Variants in MACROD2 observed in about 807,000 individuals in gnomAD.
The protein encoded by MACROD2 is ADP-ribose glycohydrolase MACROD2.
Under a neutral mutation model 70.4 loss-of-function variants are expected in MACROD2, and 36 were observed. The ratio of observed to expected loss-of-function variants is 0.51; its 90% CI spans 0.39 to 0.68. The LOEUF (loss-of-function observed/expected upper bound fraction) is 0.68. Among genes scored for constraint, MACROD2 ranks in the 30% least tolerant of loss-of-function variants. The pLI is 0.00. For missense variants in MACROD2, 496 were observed against 538.4 expected (o/e 0.92, Z 0.78); for synonymous variants, 172 against 178.8 (o/e 0.96, Z 0.30).
chr20:14,908,364 T>C (rs2073985415), intron 5 of MACROD2, among the ~76,000 whole-genome samples: 1 of 150,168 alleles, frequency 6.7e-6, no homozygotes, highest in South Asian at 2.1e-4. Flanking sequence ...AAATAAAAAG[T>C]GTATTGTCGG....
intron 7 of MACROD2, among the ~76,000 whole-genome samples, chr20:15,479,265 CTTTTTTTTT>C (rs767435610): frequency 5.7e-5 from 5 of 87,768 alleles, no homozygotes; most frequent in African/African-American, 1.6e-4. Flanking sequence ...TTCTCGCTCT[CTTTTTTTTT>C]TTTTTTTTTT....
chr20:14,293,903 T>C (rs1445807375), intron 3 of MACROD2, among the ~76,000 whole-genome samples: 1 of 151,880 alleles, frequency 6.6e-6, no homozygotes, highest in East Asian at 1.9e-4. Context: ...TAGACATAAA[T>C]TTAACATTAC....
intron 8 of MACROD2, among the ~76,000 whole-genome samples, chr20:15,652,185 G>A (rs1248349085): frequency 1.3e-5 from 2 of 152,100 alleles, no homozygotes; most frequent in South Asian, 2.1e-4. Context: ...ATCAAAAAAG[G>A]CCTTTTCTTT....
intron 7 of MACROD2, among the ~76,000 whole-genome samples, chr20:15,445,146 T>C (rs2046545723): frequency 6.6e-6 from 1 of 152,194 alleles, no homozygotes; most frequent in African/African-American, 2.4e-5. Context: ...TTCTGGATGA[T>C]ACCAGTCAGT....
rs2081456431 is a variant in MACROD2 at position 14,198,959 on chromosome 20, C to T, written c.271+113231C>T. Among the ~76,000 whole-genome samples, 6 of 151,966 alleles carry T rather than the reference C, an allele frequency of 3.9e-5. 1 individual carries two copies. The South Asian group carries it at 1.2e-3, about 32-fold the overall frequency. ...TAATGCAATTTAAATTTCTCTCTTA[C>T]CTTCTCGCCTTTTCTCTTTTTTCTA... is the stretch of plus-strand genomic sequence containing the variant. On this transcript the variant is annotated intron_variant, in intron 3 of 17. Transcript: ENST00000684519.
chr20:15,915,877 G>A (rs910430618), intron 10 of MACROD2, among the ~76,000 whole-genome samples: 2 of 152,124 alleles, frequency 1.3e-5, no homozygotes, highest in African/African-American at 4.8e-5. Flanking sequence ...CTAATTCTTT[G>A]TAGGCAATAT....
intron 6 of MACROD2, among the ~76,000 whole-genome samples, chr20:15,405,192 A>G (rs2045982890): frequency 6.6e-6 from 1 of 150,392 alleles, no homozygotes; most frequent in Non-Finnish European, 1.5e-5. Flanking sequence ...CAAAAGTGTT[A>G]TGGAATTAGG....
intron 15 of MACROD2, among the ~76,000 whole-genome samples, chr20:16,023,473 C>A (rs1440601727): frequency 6.2e-3 from 443 of 71,214 alleles, no homozygotes; most frequent in Middle Eastern, 0.018. Context: ...GACTCCATCT[C>A]AAAAAAAAAA....
intron 4 of MACROD2, among the ~76,000 whole-genome samples, chr20:14,565,258 G>A (rs1979712075): frequency 6.6e-6 from 1 of 151,630 alleles, no homozygotes; most frequent in Non-Finnish European, 1.5e-5. Context: ...CACTATTTGG[G>A]TGATAGGTAC....
chr20:15,507,978 G>C (rs1215949773), intron 8 of MACROD2, among the ~76,000 whole-genome samples: 1 of 152,128 alleles, frequency 6.6e-6, no homozygotes, highest in Admixed American at 6.5e-5. Context: ...TAGGCGTTGA[G>C]CTGAGCTTGC....
At chr20:15,850,004 C>T (rs1467222985) in intron 8 of MACROD2, among the ~76,000 whole-genome samples, 1 of 152,162 alleles carries the variant, frequency 6.6e-6, no homozygotes, top group Admixed American at 6.5e-5. Context: ...CAGCCCGTAC[C>T]TTATCGGAGT....
intron 3 of MACROD2, among the ~76,000 whole-genome samples, chr20:14,485,948 A>G (rs543417345): frequency 3.9e-5 from 6 of 152,282 alleles, no homozygotes; most frequent in African/African-American, 1.2e-4. Flanking sequence ...CATCCTTATG[A>G]CCATCTGCAC....
chr20:14,084,086 A>AAAAAAAC (rs1569151565), intron 2 of MACROD2, among the ~76,000 whole-genome samples: 1 of 147,888 alleles, frequency 6.8e-6, no homozygotes, highest in African/African-American at 2.5e-5. Flanking sequence ...AACAAACAAA[A>AAAAAAAC]AAAAACCTTC....
At chr20:14,078,129 C>T (rs1450335146) in intron 2 of MACROD2, among the ~76,000 whole-genome samples, 2 of 151,952 alleles carry the variant, frequency 1.3e-5, no homozygotes, top group African/African-American at 2.4e-5. Context: ...CTCGAACTTC[C>T]GAACTCAGGT....
intron 3 of MACROD2, among the ~76,000 whole-genome samples, chr20:14,167,426 C>T (rs561981029): frequency 6.6e-6 from 1 of 151,836 alleles, no homozygotes; most frequent in African/African-American, 2.4e-5. Flanking sequence ...TTTTGTTGCT[C>T]AGGCTGGAGT....
intron 3 of MACROD2, among the ~76,000 whole-genome samples, chr20:14,261,575 C>T (rs1320971466): frequency 6.6e-6 from 1 of 152,028 alleles, no homozygotes; most frequent in Non-Finnish European, 1.5e-5. Context: ...TCTGAAAAAA[C>T]ATAGAATTGA....
chr20:14,736,334 G>C (rs1220698254), intron 5 of MACROD2, among the ~76,000 whole-genome samples: 5 of 152,112 alleles, frequency 3.3e-5, no homozygotes, highest in Non-Finnish European at 5.9e-5. Context: ...ACAGGAGTGG[G>C]GAGTGATTGC....
At chr20:14,246,182 C>T (rs1263841183) in intron 3 of MACROD2, among the ~76,000 whole-genome samples, 1 of 152,132 alleles carries the variant, frequency 6.6e-6, no homozygotes, top group East Asian at 1.9e-4. Flanking sequence ...CTGTTCAGGG[C>T]TCATTAATGT....
chr20:14,346,293 T>G (rs2083063861), intron 3 of MACROD2, among the ~76,000 whole-genome samples: 1 of 152,102 alleles, frequency 6.6e-6, no homozygotes, highest in Admixed American at 6.6e-5. Flanking sequence ...ACAAGACGTA[T>G]GAATGTAGTG....
Sources: gnomAD v4.1 joint callset for allele counts (sites outside exome capture counted in the v4.1 genomes callset) on GRCh38, gnomAD v4.1.1 for gene constraint, MANE v1.5 for transcripts, NCBI Gene and HGNC (gene_info 2026-07-23, HGNC 2026-07-21) for gene names.